Variants in RELN observed in about 807,000 individuals in gnomAD.
RELN encodes the protein reelin.
In RELN, 108 loss-of-function variants were observed where a neutral mutation model predicts 427.6. That is an observed-to-expected ratio of 0.25 (90% CI 0.22 to 0.30). The LOEUF (loss-of-function observed/expected upper bound fraction) is 0.30. Among genes scored for constraint, RELN ranks in the 10% least tolerant of loss-of-function variants. The pLI, the probability that RELN is intolerant of heterozygous loss-of-function variation, is 1.00. For missense variants in RELN, 3,715 were observed against 4,302.8 expected, an observed-to-expected ratio of 0.86 and a Z score of 3.82; for synonymous variants, 1,524 against 1,513.4, an observed-to-expected ratio of 1.01 and a Z score of -0.16.
intron 2 of RELN, among the ~76,000 whole-genome samples, chr7:103,838,907 A>C (rs903530461): frequency 6.6e-5 from 10 of 152,182 alleles, no homozygotes; most frequent in African/African-American, 2.4e-4. Flanking sequence ...TTGCAATCTA[A>C]CATTCTAGCA....
intron 1 of RELN, among the ~76,000 whole-genome samples, chr7:103,970,299 T>A (rs1032605696): frequency 1.3e-5 from 2 of 151,576 alleles, no homozygotes; most frequent in African/African-American, 4.8e-5. Context: ...CATACCACCA[T>A]GCCGGGCTAA....
rs533614738 is a variant in RELN at position 103,875,090 on chromosome 7, A to G, written c.338-41418T>C. Among the ~76,000 whole-genome samples the G allele has an allele frequency of 5.6e-4, 82 of 145,948 alleles. 13 individuals are homozygous for G. In the East Asian group the frequency reaches 0.017, roughly 31 times the overall value. Reference sequence around the variant, plus strand: ...CTATCTGATCTTTGACAAACCTGAGAAAAACAAGCAATGGGGAAAGGATTC... The same window carrying G: ...CTATCTGATCTTTGACAAACCTGAGGAAAACAAGCAATGGGGAAAGGATTC... On this transcript the variant is annotated intron_variant, in intron 2 of 64. Transcript: ENST00000428762.
At chr7:103,503,262 A>T in intron 51 of RELN, 32 bp from the exon 52 acceptor site, 2 of 1,592,036 alleles carry the variant, frequency 1.3e-6, no homozygotes, top group Non-Finnish European at 1.7e-6. Context: ...TCAAGGTATT[A>T]AAACTATATG....
intron 16 of RELN, among the ~76,000 whole-genome samples, chr7:103,641,013 G>A (rs879771112): frequency 6.6e-6 from 1 of 151,896 alleles, no homozygotes; most frequent in African/African-American, 2.4e-5. Flanking sequence ...ATTTCTATCA[G>A]GGGAAAATCT....
At chr7:103,710,435 C>G (rs1226159967) in intron 8 of RELN, among the ~76,000 whole-genome samples, 1 of 152,182 alleles carries the variant, frequency 6.6e-6, no homozygotes, top group Non-Finnish European at 1.5e-5. Context: ...TCCAGGAACT[C>G]CTACACCCAC....
chr7:103,486,058 T>C (rs1828428884), intron 61 of RELN, 139 bp downstream of exon 61: 1 of 784,400 alleles, frequency 1.3e-6, no homozygotes, highest in Non-Finnish European at 2.2e-6. Flanking sequence ...TGCTTCCTTG[T>C]CCCAAATTCA....
intron 12 of RELN, among the ~76,000 whole-genome samples, chr7:103,658,542 A>G (rs753879661): frequency 1.3e-5 from 2 of 151,758 alleles, no homozygotes; most frequent in Admixed American, 6.6e-5. Flanking sequence ...ACTCTACCCT[A>G]TGCCACCCTA....
chr7:103,646,417 A>G (rs1285072345), intron 16 of RELN, among the ~76,000 whole-genome samples: 1 of 151,876 alleles, frequency 6.6e-6, no homozygotes, highest in Admixed American at 6.6e-5. Flanking sequence ...AAATAAGCAG[A>G]ATAAAAAATG....
At chr7:103,513,572 G>A (rs1005633853) in intron 50 of RELN, 1 of 152,064 alleles carries the variant, frequency 6.6e-6, no homozygotes, top group African/African-American at 2.4e-5. Flanking sequence ...GACATTTTAA[G>A]CTTTTTCTAT....
chr7:103,906,262 C>T (rs912477772), intron 2 of RELN, among the ~76,000 whole-genome samples: 2 of 152,126 alleles, frequency 1.3e-5, no homozygotes, highest in African/African-American at 2.4e-5. Flanking sequence ...GTCTGAATTA[C>T]AGCTCTGCAA....
At chr7:103,676,473 A>T (rs139437823) in intron 11 of RELN, among the ~76,000 whole-genome samples, 5,511 of 152,276 alleles carry the variant, frequency 0.036, 164 homozygotes, top group East Asian at 0.15. Flanking sequence ...ACTGTGGAAG[A>T]CAATGTGGCA....
rs558990262 is a variant in RELN, at chr7:103,982,147, C to T, written c.226+6984G>A. 3.3e-5 allele frequency among the ~76,000 whole-genome samples: 5 copies of T among 152,206 alleles called. No individual in the cohort carries two copies. In the East Asian group the frequency reaches 9.7e-4, roughly 29 times the overall value. ...TGTCACTGCACTCCAGCCTGGGCGA[C>T]ACTGAGACTCTGCCTCAATAATAAT... On this transcript the variant is annotated intron_variant, in intron 1 of 64. Coordinates refer to ENST00000428762, the MANE Select transcript of RELN (RefSeq NM_005045.4).
chr7:103,672,574 T>A (rs1833417138), intron 11 of RELN, among the ~76,000 whole-genome samples: 1 of 152,208 alleles, frequency 6.6e-6, no homozygotes. Context: ...TTTTAACAGC[T>A]TGCAACAAGT....
At chr7:103,575,511 T>C (rs371495277) in intron 29 of RELN, 37 bp downstream of exon 29, 1 of 1,601,552 alleles carries the variant, frequency 6.2e-7, no homozygotes, top group Non-Finnish European at 8.6e-7. Flanking sequence ...ATGACTATTT[T>C]ACAATAAAAC....
chr7:103,641,804 A>G (rs1220904582), intron 16 of RELN, among the ~76,000 whole-genome samples: 1 of 152,140 alleles, frequency 6.6e-6, no homozygotes, highest in Non-Finnish European at 1.5e-5. Context: ...GGAACAAGAA[A>G]GGGGCTGGCT....
At chr7:103,829,359 G>A (rs922076938) in intron 3 of RELN, among the ~76,000 whole-genome samples, 5 of 150,746 alleles carry the variant, frequency 3.3e-5, no homozygotes, top group Admixed American at 3.3e-4. Context: ...CTTCCCCCAG[G>A]CCCCTTGGGA....
rs565236668 is a variant in RELN at position 103,603,446 on chromosome 7, G to C, written c.3191C>G (p.Ala1064Gly). 23 of 1,613,922 alleles carry C rather than the reference G, an allele frequency of 1.4e-5. No homozygotes were observed. The African/African-American group carries it at 2.7e-4, about 19-fold the overall frequency. ...YQGTECHPEA[A>G]LPSTIMSDFE... is the part of the protein sequence containing the mutation. Reference sequence around the variant, plus strand: ...ATCTGACATAATTGTGGACGGAAGGGCAGCTTCTGGGTGGCATTCAGTGCC... The same window carrying C: ...ATCTGACATAATTGTGGACGGAAGGCCAGCTTCTGGGTGGCATTCAGTGCC... Residue 1064 changes from alanine (A) to glycine (G), a missense_variant, in exon 24 of 65, where the codon GCC becomes GGC. Ala to Gly is a moderately conservative substitution (Grantham distance 60). This residue lies in a region of RELN where 2,208 missense variants were observed against 2,361.7 expected (regional missense o/e 0.93). Transcript: ENST00000428762. This position sits in a 1 kb window ranked among gnomAD's most constrained non-coding sequence, Gnocchi z 4.3.
intron 60 of RELN, among the ~76,000 whole-genome samples, chr7:103,487,139 T>C (rs1396362311): frequency 6.6e-6 from 1 of 152,132 alleles, no homozygotes; most frequent in African/African-American, 2.4e-5. Flanking sequence ...CATCATTCTC[T>C]GCAAACTAAC....
In RELN at chr7:103,497,827, G is replaced by A. The variant is rs199505446; in HGVS notation, c.8943C>T (p.Thr2981=). The A allele has an allele frequency of 1.3e-5, 21 of 1,613,914 alleles. No homozygotes were observed. The highest frequency in any genetic ancestry group is 6.7e-5 in the East Asian group (3 of 44,880). The part of the protein sequence containing the change: ...RKEGVLLDYS[T]DGGITWTLLH... ...TTCACCCCTGACACATGCCTCCATC[G>A]GTAGAGTAGTCCAACAGCACGCCTT... Residue 2981 remains threonine, a synonymous_variant, in exon 55 of 65, where the codon ACC becomes ACT. Transcript: ENST00000428762.
Sources: gnomAD v4.1 joint callset for allele counts (sites outside exome capture counted in the v4.1 genomes callset) on GRCh38, gnomAD v4.1.1 for gene constraint, gnomAD v4.1.1 regional missense constraint, Gnocchi (gnomAD v3.1) non-coding constraint, MANE v1.5 for transcripts, NCBI Gene and HGNC (gene_info 2026-07-23, HGNC 2026-07-21) for gene names.